The following SAMTOR variants were observed in gnomAD, a reference collection of about 807,000 sequenced individuals.
The protein encoded by SAMTOR is UPF0532 protein C7orf60.
the SAMTOR span, among the ~76,000 whole-genome samples, chr7:112,883,691 C>T: frequency 1.3e-5 from 2 of 152,110 alleles, no homozygotes; most frequent in Non-Finnish European, 2.9e-5. Context: ...GATAAATTAC[C>T]TATATTTATC....
At chr7:112,880,503 T>C in the SAMTOR span, among the ~76,000 whole-genome samples, 1 of 152,150 alleles carries the variant, frequency 6.6e-6, no homozygotes, top group Non-Finnish European at 1.5e-5. Flanking sequence ...AACTTCAATA[T>C]AATTTTTTAA....
chr7:112,824,118 C>A, the SAMTOR span, among the ~76,000 whole-genome samples: 1 of 152,068 alleles, frequency 6.6e-6, no homozygotes, highest in African/African-American at 2.4e-5. Flanking sequence ...TTCTCAGTAT[C>A]ATGTGGCTTA....
the SAMTOR span, among the ~76,000 whole-genome samples, chr7:112,852,825 A>G: frequency 2.6e-5 from 4 of 152,118 alleles, no homozygotes; most frequent in Non-Finnish European, 5.9e-5. Flanking sequence ...AGTGTGTCAT[A>G]TATTGAATAA....
At chr7:112,887,126 T>C in the SAMTOR span, among the ~76,000 whole-genome samples, 2 of 151,934 alleles carry the variant, frequency 1.3e-5, no homozygotes, top group African/African-American at 4.8e-5. Context: ...AAGCCTAGAA[T>C]GTGCCACTCT....
the SAMTOR span, among the ~76,000 whole-genome samples, chr7:112,911,801 A>G: frequency 6.6e-6 from 1 of 152,086 alleles, no homozygotes; most frequent in African/African-American, 2.4e-5. Context: ...GGTTAATGAT[A>G]GATAAAAAAG....
chr7:112,871,209 A>C, the SAMTOR span, among the ~76,000 whole-genome samples: 1 of 152,170 alleles, frequency 6.6e-6, no homozygotes, highest in African/African-American at 2.4e-5. Context: ...CAACCACATA[A>C]AACACATTCT....
chr7:112,884,412 C>T, the SAMTOR span, among the ~76,000 whole-genome samples: 5 of 152,140 alleles, frequency 3.3e-5, no homozygotes, highest in Non-Finnish European at 4.4e-5. Context: ...CTTCTGCCTA[C>T]GAGCTTGTAA....
the SAMTOR span, among the ~76,000 whole-genome samples, chr7:112,893,920 A>T: frequency 1.3e-5 from 2 of 152,214 alleles, no homozygotes; most frequent in African/African-American, 4.8e-5. Flanking sequence ...AATAAAATAC[A>T]ATAAAATAAA....
chr7:112,889,399 C>T, the SAMTOR span, among the ~76,000 whole-genome samples: 4 of 152,154 alleles, frequency 2.6e-5, no homozygotes, highest in East Asian at 7.7e-4. Context: ...TTTGCAATTG[C>T]CAGAAAGTGA....
the SAMTOR span, among the ~76,000 whole-genome samples, chr7:112,893,647 T>G: frequency 6.6e-6 from 1 of 152,198 alleles, no homozygotes. Context: ...TTAAAAATAA[T>G]TTTTCCTTCA....
the SAMTOR span, among the ~76,000 whole-genome samples, chr7:112,911,758 T>C: frequency 2.4e-3 from 368 of 151,650 alleles, 2 homozygotes; most frequent in African/African-American, 8.7e-3. Context: ...ATAGAAAAAC[T>C]GGGAAAAATG....
chr7:112,859,288 A>G, the SAMTOR span, among the ~76,000 whole-genome samples: 1 of 152,218 alleles, frequency 6.6e-6, no homozygotes, highest in Non-Finnish European at 1.5e-5. Context: ...GATGGCATAT[A>G]TGATGGTGGT....
the SAMTOR span, among the ~76,000 whole-genome samples, chr7:112,929,108 C>T: frequency 0.022 from 3,406 of 151,726 alleles, 65 homozygotes; most frequent in Admixed American, 0.042. Flanking sequence ...CTTTTTAAAA[C>T]ATACAAAGCA....
chr7:112,882,099 T>C, the SAMTOR span, among the ~76,000 whole-genome samples: 2 of 152,204 alleles, frequency 1.3e-5, no homozygotes, highest in African/African-American at 2.4e-5. Flanking sequence ...CTGCTTGTGG[T>C]ACACTGGATC....
chr7:112,936,203 T>C, the SAMTOR span, among the ~76,000 whole-genome samples: 1 of 152,156 alleles, frequency 6.6e-6, no homozygotes, highest in East Asian at 1.9e-4. Flanking sequence ...CTTATGAATA[T>C]AACCTCACTT....
At chr7:112,882,159 G>A in the SAMTOR span, among the ~76,000 whole-genome samples, 3 of 152,310 alleles carry the variant, frequency 2.0e-5, no homozygotes, top group East Asian at 3.9e-4. Flanking sequence ...CAGCTGGCAC[G>A]CCTGGCTGTG....
the SAMTOR span, among the ~76,000 whole-genome samples, chr7:112,826,286 G>A: frequency 0.013 from 1,902 of 152,092 alleles, 31 homozygotes; most frequent in African/African-American, 0.038. Context: ...ACATGCAGGC[G>A]TTAGTGCCTG....
At chr7:112,823,908 T>A in the SAMTOR span, among the ~76,000 whole-genome samples, 1 of 152,230 alleles carries the variant, frequency 6.6e-6, no homozygotes, top group Non-Finnish European at 1.5e-5. Flanking sequence ...ATTTTCCTAA[T>A]GAGTTAGTGA....
the SAMTOR span, among the ~76,000 whole-genome samples, chr7:112,884,658 T>C: frequency 6.6e-5 from 10 of 152,332 alleles, no homozygotes; most frequent in South Asian, 2.1e-3. Context: ...CTTGGGCAGC[T>C]CCACCCCTGT....
Sources: gnomAD v4.1 joint callset for allele counts (sites outside exome capture counted in the v4.1 genomes callset) on GRCh38, gnomAD v4.1.1 for gene constraint, MANE v1.5 for transcripts, NCBI Gene and HGNC (gene_info 2026-07-23, HGNC 2026-07-21) for gene names.